NYAP2: variants seen among roughly 807,000 people sequenced by gnomAD.
NYAP2 encodes the protein neuronal tyrosine-phosphorylated phosphoinositide-3-kinase adapter 2.
In NYAP2, 23 loss-of-function variants were observed where a neutral mutation model predicts 50.4. That is an observed-to-expected ratio of 0.46 (90% CI 0.33 to 0.65). NYAP2 has a LOEUF of 0.65. Ranked by LOEUF, NYAP2 falls within the 30% of genes least tolerant of loss-of-function variation. The pLI, the probability that NYAP2 is intolerant of heterozygous loss-of-function variation, is 0.02. For synonymous variants in NYAP2, 394 were observed against 365.2 expected (o/e 1.08, Z -0.90); for missense variants, 885 against 861.0 (o/e 1.03, Z -0.35).
chr2:225,464,796 C>T (rs1689890254), intron 3 of NYAP2, among the ~76,000 whole-genome samples: 1 of 152,104 alleles, frequency 6.6e-6, no homozygotes, highest in Non-Finnish European at 1.5e-5. Flanking sequence ...ACAGATGTGC[C>T]CTCATTTTGC....
chr2:225,480,783 A>G (rs1376454313), intron 3 of NYAP2, among the ~76,000 whole-genome samples: 5 of 152,122 alleles, frequency 3.3e-5, no homozygotes, highest in African/African-American at 1.2e-4. Context: ...CAATGAGGAG[A>G]CAATTTGGTT....
intron 3 of NYAP2, among the ~76,000 whole-genome samples, chr2:225,478,452 T>C (rs1690154092): frequency 6.6e-6 from 1 of 152,230 alleles, no homozygotes; most frequent in South Asian, 2.1e-4. Flanking sequence ...ACAGCAGGTT[T>C]AGTAACATGA....
intron 5 of NYAP2, among the ~76,000 whole-genome samples, chr2:225,621,439 C>G (rs1693101630): frequency 1.3e-5 from 2 of 151,942 alleles, no homozygotes; most frequent in South Asian, 4.2e-4. Context: ...TTCTTAGAGA[C>G]AGAAAGTAGA....
At chr2:225,629,967 A>G (rs1232636848) in intron 6 of NYAP2, among the ~76,000 whole-genome samples, 2 of 152,228 alleles carry the variant, frequency 1.3e-5, no homozygotes, top group African/African-American at 4.8e-5. Context: ...TTCCTGGGGC[A>G]GAGTGATTTT....
At chr2:225,428,671 G>A (rs1192722117) in intron 3 of NYAP2, among the ~76,000 whole-genome samples, 1 of 152,150 alleles carries the variant, frequency 6.6e-6, no homozygotes, top group Non-Finnish European at 1.5e-5. Context: ...CATCACCTAG[G>A]CCAATTCTTT....
intron 4 of NYAP2, among the ~76,000 whole-genome samples, chr2:225,517,647 AAAG>A (rs1435145840): frequency 1.3e-5 from 2 of 152,226 alleles, no homozygotes; most frequent in Admixed American, 6.6e-5. Context: ...TGCATGGTAC[AAAG>A]AAGGTGCCGT....
chr2:225,569,753 T>C (rs1017488349), intron 4 of NYAP2, among the ~76,000 whole-genome samples: 2 of 152,170 alleles, frequency 1.3e-5, no homozygotes, highest in African/African-American at 4.8e-5. Context: ...CATGATAGGA[T>C]TGGAACTGAG....
At chr2:225,433,309 G>A (rs4674991) in intron 3 of NYAP2, among the ~76,000 whole-genome samples, 89,180 of 151,320 alleles carry the variant, frequency 0.59, 29,765 homozygotes, top group Non-Finnish European at 0.75. Context: ...CCAAGATCGT[G>A]CCTGTTACTG....
chr2:225,636,233 A>G (rs1693412258), intron 6 of NYAP2, among the ~76,000 whole-genome samples: 1 of 152,230 alleles, frequency 6.6e-6, no homozygotes, highest in Non-Finnish European at 1.5e-5. Context: ...TAGCATGATG[A>G]GTAGGAGCCA....
At chr2:225,555,697 G>A (rs936030752) in intron 4 of NYAP2, among the ~76,000 whole-genome samples, 3 of 152,088 alleles carry the variant, frequency 2.0e-5, no homozygotes, top group Non-Finnish European at 4.4e-5. Flanking sequence ...GTCTAAGCCC[G>A]ATTAGCTCTC....
chr2:225,625,884 G>A (rs1693201352), intron 5 of NYAP2, among the ~76,000 whole-genome samples: 1 of 152,208 alleles, frequency 6.6e-6, no homozygotes, highest in African/African-American at 2.4e-5. Context: ...AGGAGTCAAG[G>A]ATAGAGTCAG....
At chr2:225,506,020 G>A (rs1690698080) in intron 3 of NYAP2, among the ~76,000 whole-genome samples, 1 of 151,922 alleles carries the variant, frequency 6.6e-6, no homozygotes, top group Non-Finnish European at 1.5e-5. Flanking sequence ...TCCAACGTTT[G>A]TTTGGCTGAG....
chr2:225,433,118 T>G (rs892748815), intron 3 of NYAP2, among the ~76,000 whole-genome samples: 1 of 152,224 alleles, frequency 6.6e-6, no homozygotes, highest in African/African-American at 2.4e-5. Context: ...TAAAATGTAA[T>G]GTAATTAATA....
chr2:225,434,818 A>C (rs972876059), intron 3 of NYAP2, among the ~76,000 whole-genome samples: 7 of 152,254 alleles, frequency 4.6e-5, no homozygotes, highest in Admixed American at 1.3e-4. Context: ...GTGTGTACAC[A>C]CATGTGTAAA....
intron 3 of NYAP2, among the ~76,000 whole-genome samples, chr2:225,473,620 T>C (rs1455123599): frequency 6.6e-6 from 1 of 152,254 alleles, no homozygotes; most frequent in Non-Finnish European, 1.5e-5. Context: ...TTGAGAAGTG[T>C]CTGTTCATAT....
intron 6 of NYAP2, among the ~76,000 whole-genome samples, chr2:225,646,072 A>T (rs982770310): frequency 1.3e-5 from 2 of 152,202 alleles, no homozygotes; most frequent in African/African-American, 2.4e-5. Context: ...TAGGATTTTC[A>T]TGATTGCTTG....
chr2:225,663,102 A>G, the NYAP2 span, among the ~76,000 whole-genome samples: 1 of 152,230 alleles, frequency 6.6e-6, no homozygotes, highest in Non-Finnish European at 1.5e-5. Flanking sequence ...AAAAGTACAA[A>G]GCACTGTTTT....
At chr2:225,411,029 T>C (rs1695029833) in intron 3 of NYAP2, among the ~76,000 whole-genome samples, 1 of 152,188 alleles carries the variant, frequency 6.6e-6, no homozygotes, top group African/African-American at 2.4e-5. Flanking sequence ...ACACATTGAA[T>C]TGAAGAAGTC....
intron 3 of NYAP2, among the ~76,000 whole-genome samples, chr2:225,487,015 A>G (rs1479260852): frequency 2.0e-5 from 3 of 152,212 alleles, no homozygotes; most frequent in Non-Finnish European, 4.4e-5. Context: ...AAAGTCACAT[A>G]TTGCTGTCTG....
Sources: gnomAD v4.1 joint callset for allele counts (sites outside exome capture counted in the v4.1 genomes callset) on GRCh38, gnomAD v4.1.1 for gene constraint, MANE v1.5 for transcripts, NCBI Gene and HGNC (gene_info 2026-07-23, HGNC 2026-07-21) for gene names.